Variants in CNGB1 observed in about 807,000 individuals in gnomAD.
CNGB1 encodes cyclic nucleotide-gated channel beta-1.
A neutral mutation model predicts 151.7 loss-of-function variants in CNGB1; 126 were observed. That is an observed-to-expected ratio of 0.83 (90% confidence interval 0.72 to 0.96). The LOEUF is 0.96. Among genes scored for constraint, CNGB1 ranks in the 40% least tolerant of loss-of-function variants. The probability of loss-of-function intolerance (pLI) is 0.00; values close to 1 mark genes in which losing one functional copy is unlikely to be tolerated. For missense variants in CNGB1, 1,698 were observed against 1,627.0 expected, an observed-to-expected ratio of 1.04 and a Z score of -0.75; for synonymous variants, 623 against 635.1, an observed-to-expected ratio of 0.98 and a Z score of 0.29.
In CNGB1 at chr16:57,939,545, C is replaced by G. The variant is rs753331679; in HGVS notation, c.1257G>C (p.Glu419Asp). ...VGEEAKKEAE[E>D]KAKEEAEEVA... ...CCTCCTCGGCCTCCTCCTTGGCCTT[C>G]TCTTCAGCCTCCTTCTTGGCCTCCT... Residue 419 changes from glutamate to aspartate, a missense_variant, in exon 16 of 33, where the codon GAG becomes GAC. Coordinates refer to ENST00000251102, the MANE Select transcript of CNGB1 (RefSeq NM_001297.5). 19 of 1,614,028 alleles carry G rather than the reference C, an allele frequency of 1.2e-5. No individual in the cohort carries two copies. The highest frequency in any genetic ancestry group is 1.4e-5 in the Non-Finnish European group (17 of 1,179,998).
intron 31 of CNGB1, among the ~76,000 whole-genome samples, chr16:57,894,027 G>A (rs9938276): frequency 0.13 from 19,791 of 152,100 alleles, 2,597 homozygotes; most frequent in African/African-American, 0.34. Context: ...TTAAGGGTTT[G>A]AAAACAAAAA....
intron 25 of CNGB1, among the ~76,000 whole-genome samples, chr16:57,906,388 G>T (rs1325441036): frequency 6.6e-6 from 1 of 152,210 alleles, no homozygotes; most frequent in East Asian, 1.9e-4. Flanking sequence ...GAACTGAACA[G>T]ATTCGCCCAT....
chr16:57,961,586 G>A (rs1215060115), intron 7 of CNGB1, among the ~76,000 whole-genome samples: 2 of 152,182 alleles, frequency 1.3e-5, no homozygotes, highest in African/African-American at 4.8e-5. Flanking sequence ...ATATGTCTCA[G>A]AAGGAAGTAG....
chr16:57,969,489 G>A (rs1013022552), intron 1 of CNGB1, among the ~76,000 whole-genome samples: 4 of 152,022 alleles, frequency 2.6e-5, no homozygotes, highest in African/African-American at 4.8e-5. Flanking sequence ...GTGGTGGCAC[G>A]TGCCTGTAGT....
Position 57,922,626 on chromosome 16 carries a change from AC to A in CNGB1, c.1643+646del, listed in dbSNP as rs543141590. 4.5e-3 allele frequency among the ~76,000 whole-genome samples: 687 copies of A among 151,468 alleles called. 4 individuals carry two copies. The highest frequency in any genetic ancestry group is 7.1e-3 in the Non-Finnish European group (482 of 67,896). ...GTATTTTTATTAGAGACAGGGTTTC[AC>A]CATATTGGTCAGGCTAGTCTCGAAC... On this transcript the variant is annotated intron_variant, in intron 18 of 32. Transcript: ENST00000251102.
intron 25 of CNGB1, among the ~76,000 whole-genome samples, chr16:57,909,543 C>T (rs184181826): frequency 9.9e-5 from 15 of 152,260 alleles, no homozygotes; most frequent in Admixed American, 7.2e-4. Flanking sequence ...CGTGCATCAC[C>T]ACGCCTGGCT....
chr16:57,931,448 C>T (rs1961347271), intron 17 of CNGB1, among the ~76,000 whole-genome samples: 1 of 152,162 alleles, frequency 6.6e-6, no homozygotes, highest in East Asian at 1.9e-4. Flanking sequence ...AGCCACCGTG[C>T]CTCGCTATTA....
intron 16 of CNGB1, among the ~76,000 whole-genome samples, chr16:57,932,503 T>C (rs1431177559): frequency 1.3e-5 from 2 of 150,148 alleles, no homozygotes; most frequent in Non-Finnish European, 3.0e-5. Flanking sequence ...CCTGGGTTCA[T>C]GCCATTCTCC....
chr16:57,969,216 G>A (rs1435362720), intron 1 of CNGB1, among the ~76,000 whole-genome samples: 2 of 152,218 alleles, frequency 1.3e-5, no homozygotes, highest in Non-Finnish European at 2.9e-5. Flanking sequence ...TGAGGTGGGA[G>A]AATCACTTGA....
rs779271385 is a variant in CNGB1 at position 57,917,248 on chromosome 16, A to G, written c.2166+20T>C. Reference sequence around the variant, plus strand: ...GCGGTCTGCCCCCGGTCACCCCAACACCACCTGCCTGTGACTCACAATGAT... The same window carrying G: ...GCGGTCTGCCCCCGGTCACCCCAACGCCACCTGCCTGTGACTCACAATGAT... On this transcript the variant is annotated intron_variant, in intron 21 of 32. Transcript: ENST00000251102. The G allele has an allele frequency of 1.2e-6, 2 of 1,603,978 alleles. No individual in the cohort carries two copies. The highest frequency in any genetic ancestry group is 1.7e-6 in the Non-Finnish European group (2 of 1,175,246).
At position 57,895,674 on chromosome 16, in the gene CNGB1, C is replaced by T. The variant is rs1320886647; in HGVS notation, c.3242+1723G>A. On this transcript the variant is annotated intron_variant, in intron 31 of 32. Coordinates refer to ENST00000251102, the MANE Select transcript of CNGB1 (RefSeq NM_001297.5). ...CAATGACTGCTCCTAGGACTCAGAT[C>T]GTGGTTTCTAAAAACCATCCCCCAG... is the stretch of plus-strand genomic sequence containing the variant. 2.6e-5 allele frequency among the ~76,000 whole-genome samples: 4 copies of T among 151,892 alleles called. No homozygotes were observed. In the East Asian group the frequency reaches 5.8e-4, roughly 22 times the overall value.
chr16:57,933,830 C>T (rs1204538340), intron 16 of CNGB1, among the ~76,000 whole-genome samples: 2 of 149,290 alleles, frequency 1.3e-5, no homozygotes. Flanking sequence ...TCAAGCCATT[C>T]TCCTGCCTCA....
At chr16:57,967,818 T>C (rs993463761) in intron 1 of CNGB1, among the ~76,000 whole-genome samples, 3 of 152,110 alleles carry the variant, frequency 2.0e-5, no homozygotes, top group South Asian at 2.1e-4. Context: ...TCTCTAGGTA[T>C]TTACCTTATA....
At chr16:57,888,707 C>A (rs1318534751) in intron 31 of CNGB1, among the ~76,000 whole-genome samples, 1 of 152,132 alleles carries the variant, frequency 6.6e-6, no homozygotes, top group African/African-American at 2.4e-5. Context: ...CCGCCTTGGC[C>A]TCCCAAAGTG....
chr16:57,909,302 G>T (rs1372593779), intron 25 of CNGB1, among the ~76,000 whole-genome samples: 1 of 152,122 alleles, frequency 6.6e-6, no homozygotes, highest in Non-Finnish European at 1.5e-5. Context: ...AATGGAGGTG[G>T]CATATATATG....
chr16:57,939,616 G>A (rs770024801), intron 15 of CNGB1, 24 bp from the exon 16 acceptor site: 3 of 1,614,128 alleles, frequency 1.9e-6, no homozygotes, highest in East Asian at 4.5e-5. Flanking sequence ...AGTGAAAACA[G>A]AAACTGTGAC....
chr16:57,884,315 G>GGCGGTGGAGAGC lies in CNGB1; in HGVS notation c.3593_3604dup (p.Pro1201_Pro1202insArgSerProPro). On this transcript the variant is annotated inframe_insertion, in exon 33 of 33. Coordinates refer to ENST00000251102, the MANE Select transcript of CNGB1 (RefSeq NM_001297.5). ...TCCCTCCGGCCTCCCAAGGGAGGCAGGCGGTGGAGAGCTCGGTGGAGACCC... is the reference window on the plus strand; with the variant it reads ...TCCCTCCGGCCTCCCAAGGGAGGCAGGCGGTGGAGAGCGCGGTGGAGAGCTCGGTGGAGACCC... The GGCGGTGGAGAGC allele has an allele frequency of 6.2e-7, 1 of 1,612,390 alleles. No individual in the cohort carries two copies. Among genetic ancestry groups the GGCGGTGGAGAGC allele is most frequent in the Non-Finnish European group, 8.5e-7 (1 of 1,179,496 alleles).
At chr16:57,901,492 C>G in intron 28 of CNGB1, 36 bp downstream of exon 28, 1 of 1,612,272 alleles carries the variant, frequency 6.2e-7, no homozygotes, top group Non-Finnish European at 8.5e-7. Flanking sequence ...TTGGAGCCTC[C>G]CACAGCCCTG....
chr16:57,963,934 C>T, intron 4 of CNGB1, 196 bp downstream of exon 4: 1 of 585,274 alleles, frequency 1.7e-6, no homozygotes, highest in East Asian at 2.8e-5. Context: ...CTGGGAGCTT[C>T]AGGCTTACTT....
Sources: gnomAD v4.1 joint callset for allele counts (sites outside exome capture counted in the v4.1 genomes callset) on GRCh38, gnomAD v4.1.1 for gene constraint, MANE v1.5 for transcripts, NCBI Gene and HGNC (gene_info 2026-07-23, HGNC 2026-07-21) for gene names.